The following LHFPL2 variants were observed in gnomAD, a reference collection of about 807,000 sequenced individuals.
LHFPL2 encodes the protein LHFPL tetraspan subfamily member 2.
A neutral mutation model predicts 17.5 loss-of-function variants in LHFPL2; 7 were observed. The ratio of observed to expected loss-of-function variants is 0.40; its 90% confidence interval spans 0.23 to 0.75. The LOEUF is 0.75. LHFPL2 is among the 30% of genes least tolerant of loss of function. The pLI is 0.37. For synonymous variants in LHFPL2, 134 were observed against 116.2 expected, an observed-to-expected ratio of 1.15 and a Z score of -0.99; for missense variants, 241 against 294.8, an observed-to-expected ratio of 0.82 and a Z score of 1.34.
rs114747491 is a variant in LHFPL2 at position 78,594,831 on chromosome 5, A to C, written c.-244-29960T>G. 3.0e-3 allele frequency among the ~76,000 whole-genome samples: 450 copies of C among 152,362 alleles called. 3 individuals carry two copies. The highest frequency in any genetic ancestry group is 0.01 in the African/African-American group (432 of 41,586). On this transcript the variant is annotated intron_variant, in intron 2 of 4. Transcript: ENST00000380345. ...AAAGCCAAACAGTCCCTAATTACTA[A>C]ATCACATATAGAATGGACATAGCCG...
At chr5:78,547,200 G>A (rs1410395327) in intron 3 of LHFPL2, among the ~76,000 whole-genome samples, 3 of 152,142 alleles carry the variant, frequency 2.0e-5, no homozygotes, top group African/African-American at 7.2e-5. Flanking sequence ...AACCCTAAGA[G>A]GCTCACCGGG....
chr5:78,554,516 A>C (rs1454469167), intron 3 of LHFPL2, among the ~76,000 whole-genome samples: 1 of 152,120 alleles, frequency 6.6e-6, no homozygotes, highest in Non-Finnish European at 1.5e-5. Context: ...TTCCAGGTTT[A>C]CCTCCCAAGT....
chr5:78,569,507 A>G (rs1256196244), intron 2 of LHFPL2, among the ~76,000 whole-genome samples: 1 of 152,194 alleles, frequency 6.6e-6, no homozygotes, highest in Non-Finnish European at 1.5e-5. Context: ...TCTGAAATGC[A>G]TTCTCTGACA....
intron 2 of LHFPL2, among the ~76,000 whole-genome samples, chr5:78,574,337 G>A (rs1189117889): frequency 6.6e-6 from 1 of 152,212 alleles, no homozygotes; most frequent in East Asian, 1.9e-4. Flanking sequence ...AGGAGAGGCT[G>A]AGCTGGGATA....
At chr5:78,517,695 G>C (rs561544580) in intron 3 of LHFPL2, among the ~76,000 whole-genome samples, 1 of 152,080 alleles carries the variant, frequency 6.6e-6, no homozygotes, top group Non-Finnish European at 1.5e-5. Context: ...GGAAAAACTC[G>C]CCCCCATGAT....
intron 3 of LHFPL2, among the ~76,000 whole-genome samples, chr5:78,525,495 A>G (rs528569881): frequency 6.6e-6 from 1 of 152,368 alleles, no homozygotes; most frequent in African/African-American, 2.4e-5. Context: ...GTCATTAATA[A>G]GAACGAATGC....
chr5:78,598,879 A>G (rs1413137854), intron 2 of LHFPL2, among the ~76,000 whole-genome samples: 1 of 152,238 alleles, frequency 6.6e-6, no homozygotes, highest in Non-Finnish European at 1.5e-5. Context: ...TTCAAATAGC[A>G]TTCCAAAGTA....
chr5:78,510,008 C>T lies in LHFPL2; in HGVS notation c.206G>A (p.Arg69Gln), dbSNP rs150967457. 1.4e-4 allele frequency: 233 copies of T among 1,612,710 alleles called. No individual in the cohort carries two copies. The South Asian group carries it at 1.9e-3, about 13-fold the overall frequency. Residue 69 changes from arginine (R) to glutamine (Q), a missense_variant, in exon 4 of 5, where the codon CGG becomes CAG. Coordinates refer to ENST00000380345, the MANE Select transcript of LHFPL2 (RefSeq NM_005779.3). ...PTLGIYARCI[R>Q]NPGVQHFQRD... is the part of the protein sequence containing the mutation. ...CTGGAAGTGCTGCACCCCTGGGTTCCGGATGCAGCGGGCGTAGATGCCCAG... is the reference window on the plus strand; with the variant it reads ...CTGGAAGTGCTGCACCCCTGGGTTCTGGATGCAGCGGGCGTAGATGCCCAG...
intron 2 of LHFPL2, among the ~76,000 whole-genome samples, chr5:78,614,964 C>T (rs950737545): frequency 1.3e-5 from 2 of 152,198 alleles, no homozygotes; most frequent in African/African-American, 2.4e-5. Context: ...GCTCCAAAGC[C>T]TGGGCTTTTT....
At chr5:78,547,998 G>A (rs6881598) in intron 3 of LHFPL2, among the ~76,000 whole-genome samples, 57,841 of 152,212 alleles carry the variant, frequency 0.38, 11,556 homozygotes, top group Middle Eastern at 0.48. Flanking sequence ...TGAGTCATTC[G>A]GAAACAGATT....
chr5:78,557,991 G>T (rs1487046373), intron 3 of LHFPL2, among the ~76,000 whole-genome samples: 2 of 152,188 alleles, frequency 1.3e-5, no homozygotes, highest in Non-Finnish European at 1.5e-5. Flanking sequence ...ATTAATCCAA[G>T]AGAATAGAGA....
intron 3 of LHFPL2, 65 bp from the exon 4 acceptor site, chr5:78,510,463 G>C: frequency 2.0e-6 from 1 of 512,360 alleles, no homozygotes; most frequent in South Asian, 2.6e-5. Context: ...GCCGCGCAGC[G>C]ACACCGTCCA....
chr5:78,636,287 A>G (rs1745446772), intron 1 of LHFPL2, among the ~76,000 whole-genome samples: 1 of 152,226 alleles, frequency 6.6e-6, no homozygotes, highest in Admixed American at 6.5e-5. Flanking sequence ...CTGTGTGCTT[A>G]CACGTCTAAT....
chr5:78,596,549 ATGAT>A (rs1743832444), intron 2 of LHFPL2, among the ~76,000 whole-genome samples: 1 of 152,170 alleles, frequency 6.6e-6, no homozygotes, highest in African/African-American at 2.4e-5. Flanking sequence ...CCTAGTAAAA[ATGAT>A]TGACCTTCCT....
intron 3 of LHFPL2, among the ~76,000 whole-genome samples, chr5:78,539,816 CTTTT>C (rs11351036): frequency 1.5e-5 from 2 of 137,552 alleles, no homozygotes; most frequent in Non-Finnish European, 1.6e-5. Flanking sequence ...AAGACTTTTG[CTTTT>C]TTTTTTTTTT....
chr5:78,514,339 A>C (rs1373963301), intron 3 of LHFPL2, among the ~76,000 whole-genome samples: 1 of 138,950 alleles, frequency 7.2e-6, no homozygotes, highest in Non-Finnish European at 1.5e-5. Context: ...ACGGTGTGCA[A>C]AGTAAAGCCT....
chr5:78,550,933 T>C (rs1756422789), intron 3 of LHFPL2, among the ~76,000 whole-genome samples: 1 of 152,218 alleles, frequency 6.6e-6, no homozygotes, highest in Non-Finnish European at 1.5e-5. Context: ...AGAGAATTTA[T>C]TTTTATCTTG....
At chr5:78,520,320 G>A (rs984761624) in intron 3 of LHFPL2, among the ~76,000 whole-genome samples, 1 of 152,132 alleles carries the variant, frequency 6.6e-6, no homozygotes, top group Non-Finnish European at 1.5e-5. Flanking sequence ...CACGGGTCCC[G>A]ACCCAGGCTC....
At chr5:78,489,183 A>ACC in intron 4 of LHFPL2, 30 bp from the exon 5 acceptor site, 2 of 1,612,206 alleles carry the variant, frequency 1.2e-6, no homozygotes, top group Non-Finnish European at 1.7e-6. Context: ...ACAGATTAGA[A>ACC]AATCCCCATG....
Sources: gnomAD v4.1 joint callset for allele counts (sites outside exome capture counted in the v4.1 genomes callset) on GRCh38, gnomAD v4.1.1 for gene constraint, MANE v1.5 for transcripts, NCBI Gene and HGNC (gene_info 2026-07-23, HGNC 2026-07-21) for gene names.